The following NAALADL2 variants were observed in gnomAD, a reference collection of about 807,000 sequenced individuals.
NAALADL2 encodes the protein inactive N-acetylated-alpha-linked acidic dipeptidase-like protein 2.
Under a neutral mutation model 87.2 loss-of-function variants are expected in NAALADL2, and 76 were observed. That is an observed-to-expected ratio of 0.87 (90% CI 0.72 to 1.05). NAALADL2 has a LOEUF of 1.05. NAALADL2 is among the 50% of genes least tolerant of loss of function. The pLI is 0.00. For missense variants in NAALADL2, 1,089 were observed against 945.8 expected (o/e 1.15, Z -1.99); for synonymous variants, 354 against 331.0 (o/e 1.07, Z -0.75).
intron 11 of NAALADL2, among the ~76,000 whole-genome samples, chr3:175,660,336 A>C (rs1042387974): frequency 2.0e-5 from 3 of 152,172 alleles, no homozygotes; most frequent in Non-Finnish European, 4.4e-5. Flanking sequence ...TGTTGTAATG[A>C]CTGAAAAAAC....
chr3:175,521,024 C>T (rs1306403548), intron 9 of NAALADL2, among the ~76,000 whole-genome samples: 1 of 152,018 alleles, frequency 6.6e-6, no homozygotes, highest in African/African-American at 2.4e-5. Flanking sequence ...TGTCTCCCTT[C>T]AGCCCTAGAG....
chr3:175,582,961 G>A (rs1445909435), intron 10 of NAALADL2, among the ~76,000 whole-genome samples: 2 of 152,036 alleles, frequency 1.3e-5, no homozygotes, highest in African/African-American at 4.8e-5. Flanking sequence ...TGCTTGCGTG[G>A]AGTCAACTAC....
intron 2 of NAALADL2, among the ~76,000 whole-genome samples, chr3:175,138,014 C>T (rs1419691589): frequency 4.6e-5 from 7 of 152,062 alleles, no homozygotes; most frequent in Admixed American, 4.6e-4. Context: ...AATTTTCCTC[C>T]TTTAGAAAAT....
intron 2 of NAALADL2, among the ~76,000 whole-genome samples, chr3:174,634,681 G>C (rs1326401483): frequency 6.6e-6 from 1 of 152,080 alleles, no homozygotes; most frequent in Non-Finnish European, 1.5e-5. Flanking sequence ...GGCTAAAGTG[G>C]ACCAATGACT....
At chr3:175,327,242 G>A (rs1392330541) in intron 5 of NAALADL2, among the ~76,000 whole-genome samples, 4 of 140,700 alleles carry the variant, frequency 2.8e-5, no homozygotes, top group Admixed American at 2.3e-4. Flanking sequence ...TGCAAGCTCC[G>A]CCTCCCGGGT....
intron 2 of NAALADL2, among the ~76,000 whole-genome samples, chr3:175,189,716 GC>G (rs148410666): frequency 0.032 from 4,905 of 152,178 alleles, 250 homozygotes; most frequent in African/African-American, 0.11. Context: ...AGAAAACACA[GC>G]CTCGAATTCA....
chr3:175,669,175 A>T (rs373121019), intron 11 of NAALADL2, among the ~76,000 whole-genome samples: 57 of 151,968 alleles, frequency 3.8e-4, no homozygotes, highest in African/African-American at 7.5e-4. Context: ...AGTGCAGCCC[A>T]AACAAAATAA....
chr3:175,788,088 GTTT>G (rs1004422588), intron 13 of NAALADL2, among the ~76,000 whole-genome samples: 204 of 104,230 alleles, frequency 2.0e-3, no homozygotes, highest in African/African-American at 7.2e-3. Flanking sequence ...TTTTTTACCT[GTTT>G]TTTTTTTTTT....
At chr3:175,742,458 C>T (rs574177436) in intron 12 of NAALADL2, among the ~76,000 whole-genome samples, 260 of 144,596 alleles carry the variant, frequency 1.8e-3, no homozygotes, top group African/African-American at 6.2e-3. Context: ...AGTGCAGTGG[C>T]GCGATCTTGG....
chr3:175,026,994 C>G (rs1248309887), intron 1 of NAALADL2, among the ~76,000 whole-genome samples: 1 of 152,090 alleles, frequency 6.6e-6, no homozygotes, highest in East Asian at 1.9e-4. Flanking sequence ...ATAGCAATAA[C>G]AGTTTCTATA....
At chr3:175,737,453 T>C (rs1270440009) in intron 12 of NAALADL2, 54 bp downstream of exon 12, 10 of 1,105,870 alleles carry the variant, frequency 9.0e-6, no homozygotes, top group African/African-American at 1.5e-5. Flanking sequence ...GTTCAACTAA[T>C]TTTCAACAAG....
chr3:175,606,391 T>TA (rs1384059988), intron 10 of NAALADL2, among the ~76,000 whole-genome samples: 1 of 151,730 alleles, frequency 6.6e-6, no homozygotes, highest in Non-Finnish European at 1.5e-5. Flanking sequence ...ACTAGCCTTT[T>TA]TTTTTTTGTA....
intron 3 of NAALADL2, among the ~76,000 whole-genome samples, chr3:174,848,383 G>A (rs748298737): frequency 1.6e-4 from 24 of 152,036 alleles, no homozygotes; most frequent in African/African-American, 5.8e-4. Flanking sequence ...TTCTCCAACC[G>A]AGTGATAAAT....
At chr3:175,106,689 A>G (rs1723217805) in intron 2 of NAALADL2, among the ~76,000 whole-genome samples, 2 of 152,022 alleles carry the variant, frequency 1.3e-5, no homozygotes, top group Non-Finnish European at 2.9e-5. Flanking sequence ...AACTGTTTGT[A>G]TGCTTCTCTC....
At chr3:175,607,790 A>T (rs2149662487) in intron 10 of NAALADL2, among the ~76,000 whole-genome samples, 1 of 152,050 alleles carries the variant, frequency 6.6e-6, no homozygotes, top group African/African-American at 2.4e-5. Context: ...TTCAGTTTTA[A>T]TTGTTCTGGA....
At chr3:175,717,260 A>G (rs986798805) in intron 11 of NAALADL2, among the ~76,000 whole-genome samples, 5 of 152,180 alleles carry the variant, frequency 3.3e-5, no homozygotes, top group African/African-American at 2.4e-5. Context: ...AGGCAGGGCT[A>G]CAAGCACTGA....
chr3:175,561,683 T>C (rs1716295382), intron 9 of NAALADL2, among the ~76,000 whole-genome samples: 1 of 152,168 alleles, frequency 6.6e-6, no homozygotes. Context: ...CTTATAAACA[T>C]GCCAGCCCTA....
chr3:175,213,938 A>C (rs1409870223), intron 2 of NAALADL2, among the ~76,000 whole-genome samples: 5 of 152,272 alleles, frequency 3.3e-5, no homozygotes, highest in Non-Finnish European at 7.4e-5. Context: ...GGACTGTAAG[A>C]GGGAACTCCT....
At chr3:174,820,457 T>C (rs1721294328) in intron 3 of NAALADL2, among the ~76,000 whole-genome samples, 1 of 152,216 alleles carries the variant, frequency 6.6e-6, no homozygotes. Context: ...TCTATGTTTA[T>C]AGTATATACA....
Sources: gnomAD v4.1 joint callset for allele counts (sites outside exome capture counted in the v4.1 genomes callset) on GRCh38, gnomAD v4.1.1 for gene constraint, MANE v1.5 for transcripts, NCBI Gene and HGNC (gene_info 2026-07-23, HGNC 2026-07-21) for gene names.